FKBP1A: variants seen among roughly 807,000 people sequenced by gnomAD.
FKBP1A encodes peptidyl-prolyl cis-trans isomerase FKBP1A.
In FKBP1A, 5 loss-of-function variants were observed where a neutral mutation model predicts 14.2. The ratio of observed to expected loss-of-function variants is 0.35; its 90% CI spans 0.18 to 0.74. FKBP1A has a LOEUF of 0.74. Ranked by LOEUF, FKBP1A falls within the 30% of genes least tolerant of loss-of-function variation. FKBP1A has a pLI of 0.56. For missense variants in FKBP1A, 53 were observed against 138.8 expected, an observed-to-expected ratio of 0.38 and a Z score of 3.10; for synonymous variants, 42 against 49.1, an observed-to-expected ratio of 0.86 and a Z score of 0.60.
intron 2 of FKBP1A, among the ~76,000 whole-genome samples, chr20:1,385,494 T>G (rs1405962433): frequency 6.6e-6 from 1 of 152,154 alleles, no homozygotes; most frequent in African/African-American, 2.4e-5. Flanking sequence ...TCTGGACCTC[T>G]GTTACAGACT....
At chr20:1,375,752 GACATCTA>G in intron 2 of FKBP1A, 149 bp from the exon 3 acceptor site, 2 of 658,904 alleles carry the variant, frequency 3.0e-6, no homozygotes, top group Non-Finnish European at 5.5e-6. Flanking sequence ...GACCTCACTG[GACATCTA>G]AGGAGTTGCG....
chr20:1,389,461 G>C (rs112830450), intron 2 of FKBP1A, among the ~76,000 whole-genome samples: 26 of 152,242 alleles, frequency 1.7e-4, no homozygotes, highest in African/African-American at 5.8e-4. Context: ...GCAGAGGAGA[G>C]GGGGGAACAA....
chr20:1,388,235 C>A (rs2089690228), intron 2 of FKBP1A, among the ~76,000 whole-genome samples: 1 of 152,158 alleles, frequency 6.6e-6, no homozygotes, highest in African/African-American at 2.4e-5. Flanking sequence ...AAAATCAAGG[C>A]AGGGAACAAG....
intron 2 of FKBP1A, among the ~76,000 whole-genome samples, chr20:1,381,806 A>G (rs146753403): frequency 1.3e-5 from 2 of 152,356 alleles, no homozygotes; most frequent in Admixed American, 1.3e-4. Context: ...ACCAAGTGAA[A>G]GAAGGCAGAC....
rs2089529495 is a variant in FKBP1A at position 1,375,506 on chromosome 20, T to C, written c.183A>G (p.Glu61=). ...LGKQEVIRGW[E]EGVAQMSVGQ... ...GAGAGCATACCTGGGCAACCCCTTC[T>C]TCCCAGCCTCGGATCACCTCCTGCT... Residue 61 remains glutamate (E), a synonymous_variant, in exon 3 of 5, where the codon GAA becomes GAG. Transcript: ENST00000400137. 1 of 1,613,274 alleles carries C rather than the reference T, an allele frequency of 6.2e-7. No individual in the cohort carries two copies. The highest frequency in any genetic ancestry group is 8.5e-7 in the Non-Finnish European group (1 of 1,179,392).
chr20:1,383,435 TAA>T, intron 2 of FKBP1A, among the ~76,000 whole-genome samples: 1 of 151,272 alleles, frequency 6.6e-6, no homozygotes, highest in East Asian at 2.0e-4. Context: ...CAAAATAAAA[TAA>T]AGTCCTTGCC....
At chr20:1,383,288 T>A (rs1232297584) in intron 2 of FKBP1A, among the ~76,000 whole-genome samples, 3 of 152,000 alleles carry the variant, frequency 2.0e-5, no homozygotes, top group Non-Finnish European at 4.4e-5. Flanking sequence ...CATGAATCTT[T>A]GCAGGAGTGT....
At chr20:1,372,629 G>C (rs1489877695) in intron 3 of FKBP1A, among the ~76,000 whole-genome samples, 1 of 152,002 alleles carries the variant, frequency 6.6e-6, no homozygotes, top group Non-Finnish European at 1.5e-5. Context: ...TCTTGAAAAA[G>C]GAATACTCAA....
intron 2 of FKBP1A, among the ~76,000 whole-genome samples, chr20:1,392,083 A>G (rs114307556): frequency 1.2e-3 from 184 of 152,346 alleles, no homozygotes; most frequent in African/African-American, 4.3e-3. Flanking sequence ...TAGCCTCCAG[A>G]TGCTTATCTT....
intron 2 of FKBP1A, among the ~76,000 whole-genome samples, chr20:1,382,546 G>A (rs1461773621): frequency 6.6e-6 from 1 of 152,104 alleles, no homozygotes; most frequent in African/African-American, 2.4e-5. Context: ...CTGTGTCCTG[G>A]TGGCACGTAT....
intron 4 of FKBP1A, 75 bp downstream of exon 4, chr20:1,372,001 C>T: frequency 6.5e-7 from 1 of 1,544,636 alleles, no homozygotes; most frequent in Non-Finnish European, 8.7e-7. Flanking sequence ...GTTCTCTCTG[C>T]TACCCATCAA....
rs2089438243 is a variant in FKBP1A at position 1,369,806 on chromosome 20, C to T, written c.*303G>A. 4 of 453,990 alleles carry T rather than the reference C, an allele frequency of 8.8e-6. No individual in the cohort carries two copies. The South Asian group carries it at 1.3e-4, about 15-fold the overall frequency. 28.1% of individuals were successfully genotyped at this position (453,990 alleles called of 1,614,324 possible). On this transcript the variant is annotated 3_prime_UTR_variant, in exon 5 of 5. Coordinates refer to ENST00000400137, the MANE Select transcript of FKBP1A (RefSeq NM_000801.5). Reference sequence around the variant, plus strand: ...CTTGACCATGTACTTAATTGGAAACCTATATCCAAAAGACTGAAACTGAAT... The same window carrying T: ...CTTGACCATGTACTTAATTGGAAACTTATATCCAAAAGACTGAAACTGAAT...
chr20:1,372,268 C>A, intron 3 of FKBP1A, 28 bp from the exon 4 acceptor site: 1 of 1,611,188 alleles, frequency 6.2e-7, no homozygotes, highest in Non-Finnish European at 8.5e-7. Flanking sequence ...AAGACAGACT[C>A]AGCTGGACAC....
chr20:1,386,195 C>T lies in FKBP1A; in HGVS notation c.85+6639G>A, dbSNP rs1312118876. Among the ~76,000 whole-genome samples, 1 of 152,202 alleles carries T rather than the reference C, an allele frequency of 6.6e-6. No homozygotes were observed. Among genetic ancestry groups the T allele is most frequent in the Non-Finnish European group, 1.5e-5 (1 of 68,040 alleles). On this transcript the variant is annotated intron_variant, in intron 2 of 4. Transcript: ENST00000400137. This position sits in a 1 kb window ranked among gnomAD's most constrained non-coding sequence, Gnocchi z 4.7. ...ACGCTTTCCTCCTGCCTGACTGCAC[C>T]ATACACACCCAAGACCAAATGGCAC...
intron 2 of FKBP1A, among the ~76,000 whole-genome samples, chr20:1,390,620 C>G (rs892838024): frequency 1.3e-5 from 2 of 152,134 alleles, no homozygotes; most frequent in African/African-American, 4.8e-5. Flanking sequence ...CATGTTCCCC[C>G]AAGATGGATT....
At chr20:1,392,259 G>A (rs1281390168) in intron 2 of FKBP1A, among the ~76,000 whole-genome samples, 3 of 152,140 alleles carry the variant, frequency 2.0e-5, no homozygotes, top group African/African-American at 7.2e-5. Flanking sequence ...TTCCCCCAAG[G>A]CCAGGAAGGG....
intron 2 of FKBP1A, among the ~76,000 whole-genome samples, chr20:1,388,586 C>T (rs554835209): frequency 5.3e-5 from 8 of 152,188 alleles, no homozygotes; most frequent in Non-Finnish European, 2.9e-5. Context: ...CAGAACACAG[C>T]GAAGAACCCA....
intron 2 of FKBP1A, among the ~76,000 whole-genome samples, chr20:1,380,843 G>T (rs948651087): frequency 2.6e-5 from 4 of 152,138 alleles, no homozygotes; most frequent in African/African-American, 9.7e-5. Context: ...AGAACCATAA[G>T]ACTCCAACTT....
In FKBP1A at chr20:1,383,105, T is replaced by A. The variant is rs1337552207; in HGVS notation, c.86-7502A>T. On this transcript the variant is annotated intron_variant, in intron 2 of 4. Transcript: ENST00000400137. ...TCACAAGGACCACTGGGATACTATTTCACTAATAACCCAATAGAAATGGAG... is the reference window on the plus strand; with the variant it reads ...TCACAAGGACCACTGGGATACTATTACACTAATAACCCAATAGAAATGGAG... Among the ~76,000 whole-genome samples the A allele has an allele frequency of 3.3e-5, 5 of 152,166 alleles. No individual in the cohort carries two copies. In the East Asian group the frequency reaches 9.7e-4, roughly 29 times the overall value.
Sources: allele counts gnomAD v4.1 joint callset (sites outside exome capture counted in the v4.1 genomes callset), GRCh38; gene constraint gnomAD v4.1.1; non-coding constraint Gnocchi (gnomAD v3.1); transcripts MANE v1.5; gene names NCBI Gene and HGNC (gene_info 2026-07-23, HGNC 2026-07-21).